DTHD1: variants seen among roughly 807,000 people sequenced by gnomAD.
The protein encoded by DTHD1 is death domain containing 1, also known as death domain-containing protein 1.
DTHD1 carries 59 observed loss-of-function variants against 74.8 expected under a neutral mutation model. The observed-to-expected ratio is 0.79, with a 90% confidence interval of 0.64 to 0.98. The LOEUF (loss-of-function observed/expected upper bound fraction) is 0.98, where lower values mean the gene tolerates loss of function less well. Ranked by LOEUF, DTHD1 falls within the 50% of genes least tolerant of loss-of-function variation. DTHD1 has a pLI of 0.00. For synonymous variants in DTHD1, 365 were observed against 371.1 expected (o/e 0.98, Z 0.19); for missense variants, 1,051 against 1,065.4 (o/e 0.99, Z 0.19).
rs1759628723 is a variant in DTHD1 at position 36,347,154 on chromosome 4, T to C, written c.*3330T>C. Among the ~76,000 whole-genome samples, 1 of 152,100 alleles carries C rather than the reference T, an allele frequency of 6.6e-6. No individual in the cohort carries two copies. ...AATTACTGTCTTATTAAATTATGAG[T>C]TTTTAATGTCTTCGAATGTTTTAAT... On this transcript the variant is annotated 3_prime_UTR_variant, in exon 10 of 10. Transcript: ENST00000639862.
intron 6 of DTHD1, 55 bp from the exon 7 acceptor site, chr4:36,308,149 T>C: frequency 2.0e-6 from 3 of 1,470,690 alleles, no homozygotes; most frequent in Non-Finnish European, 2.7e-6. Context: ...TAGATATCAG[T>C]GATGTTCTTG....
At chr4:36,323,470 T>C (rs1431646797) in intron 8 of DTHD1, among the ~76,000 whole-genome samples, 2 of 152,098 alleles carry the variant, frequency 1.3e-5, no homozygotes, top group Non-Finnish European at 2.9e-5. Flanking sequence ...AAAAAATGTT[T>C]ACATCCAAAA....
chr4:36,289,110 C>T (rs1013056120), intron 2 of DTHD1, among the ~76,000 whole-genome samples: 1 of 152,104 alleles, frequency 6.6e-6, no homozygotes, highest in African/African-American at 2.4e-5. Flanking sequence ...TGAAAAACGT[C>T]TAAAATCTGA....
rs551373387 is a variant in DTHD1 at position 36,339,803 on chromosome 4, G to A, written c.2398+634G>A. Among the ~76,000 whole-genome samples, 5 of 152,282 alleles carry A rather than the reference G, an allele frequency of 3.3e-5. No individual in the cohort carries two copies. In the East Asian group the frequency reaches 9.6e-4, roughly 29 times the overall value. ...GGTCCATTATGAATGATATGAGTTTGCCCTTACGGATTGGTACAGAAAATG... is the reference window on the plus strand; with the variant it reads ...GGTCCATTATGAATGATATGAGTTTACCCTTACGGATTGGTACAGAAAATG... On this transcript the variant is annotated intron_variant, in intron 9 of 9. Transcript: ENST00000639862.
rs750376641 is a variant in DTHD1, at chr4:36,345,142, G to C, written c.*1318G>C. 1 of 152,070 alleles carries C rather than the reference G, an allele frequency of 6.6e-6. No homozygotes were observed. Among genetic ancestry groups the C allele is most frequent in the African/African-American group, 2.4e-5 (1 of 41,418 alleles). The allele number at this position is 152,070 out of a possible 1,614,324, so 9.4% of individuals were successfully genotyped here. A position where few individuals can be genotyped will look rare whatever the true frequency, so the allele number is the denominator to read the frequency against. ...AGGAAGAAAACCTGCTTTAAAATTAGTTAACAGAAGCCTTATTACATAAGC... is the reference window on the plus strand; with the variant it reads ...AGGAAGAAAACCTGCTTTAAAATTACTTAACAGAAGCCTTATTACATAAGC... On this transcript the variant is annotated 3_prime_UTR_variant, in exon 10 of 10. Transcript: ENST00000639862.
At chr4:36,306,800 A>T (rs192940124) in intron 6 of DTHD1, among the ~76,000 whole-genome samples, 66 of 152,348 alleles carry the variant, frequency 4.3e-4, no homozygotes, top group Non-Finnish European at 8.7e-4. Flanking sequence ...AAGAGTAGCC[A>T]CTCATAGAGA....
At chr4:36,288,566 C>T (rs1755857251) in intron 2 of DTHD1, among the ~76,000 whole-genome samples, 1 of 152,190 alleles carries the variant, frequency 6.6e-6, no homozygotes, top group Non-Finnish European at 1.5e-5. Flanking sequence ...AATAGGGTGT[C>T]CTTTCCTCAG....
intron 8 of DTHD1, among the ~76,000 whole-genome samples, chr4:36,327,061 G>A (rs1758394407): frequency 6.6e-6 from 1 of 151,848 alleles, no homozygotes; most frequent in Non-Finnish European, 1.5e-5. Flanking sequence ...CTGCCTACTG[G>A]GTTCAAGCAA....
rs987880169 is a variant in DTHD1, at chr4:36,281,774, A to C, written c.16A>C (p.Met6Leu). Reference protein sequence around the residue: MDMEYMGSGKLGQILK... With the variant: MDMEYLGSGKLGQILK... ...GGATCATAAAATGGATATGGAATAC[A>C]TGGGCTCAGGTAAACTGGGCCAAAT... Residue 6 changes from methionine (M) to leucine (L), a missense_variant, in exon 1 of 10, where the codon ATG becomes CTG. Transcript: ENST00000639862. 8.1e-7 allele frequency: 1 copy of C among 1,238,394 alleles called. No homozygotes were observed. Among genetic ancestry groups the C allele is most frequent in the African/African-American group, 1.5e-5 (1 of 64,758 alleles). The allele number at this position is 1,238,394 out of a possible 1,614,324, so 76.7% of individuals were successfully genotyped here. A position where few individuals can be genotyped will look rare whatever the true frequency, so the allele number is the denominator to read the frequency against.
intron 9 of DTHD1, among the ~76,000 whole-genome samples, chr4:36,339,481 A>C (rs1759197680): frequency 6.6e-6 from 1 of 152,206 alleles, no homozygotes; most frequent in Non-Finnish European, 1.5e-5. Flanking sequence ...TTTGAGCTGA[A>C]ATGTTGACTC....
chr4:36,339,836 C>T (rs887508232), intron 9 of DTHD1, among the ~76,000 whole-genome samples: 33 of 152,118 alleles, frequency 2.2e-4, no homozygotes, highest in African/African-American at 7.7e-4. Flanking sequence ...ATGTTCAGGT[C>T]TTATTAAACT....
At chr4:36,317,210 G>T (rs1044553036) in intron 8 of DTHD1, among the ~76,000 whole-genome samples, 2 of 152,106 alleles carry the variant, frequency 1.3e-5, no homozygotes, top group African/African-American at 4.8e-5. Flanking sequence ...GTTAGATTTT[G>T]CACTGATTTA....
chr4:36,336,047 A>G (rs1758992925), intron 8 of DTHD1, among the ~76,000 whole-genome samples: 1 of 152,198 alleles, frequency 6.6e-6, no homozygotes, highest in African/African-American at 2.4e-5. Flanking sequence ...TACATATCTG[A>G]ATTGCTTATA....
chr4:36,326,910 A>T (rs1196668332), intron 8 of DTHD1, among the ~76,000 whole-genome samples: 1 of 151,884 alleles, frequency 6.6e-6, no homozygotes, highest in African/African-American at 2.4e-5. Flanking sequence ...TATTGGAAAA[A>T]CTATTTCTAG....
In DTHD1 at chr4:36,284,187, TTCTC is replaced by T. The variant is rs1441217670; in HGVS notation, c.484_487del (p.Ser162ProfsTer15). The stretch of plus-strand genomic sequence containing the variant: ...TAAATGTCATAGAAACAGCTACTGT[TTCTC>T]CCACAAATGGAGAGGAAAGTCATTA... On this transcript the variant is annotated frameshift_variant, in exon 2 of 10. Transcript: ENST00000639862. LOFTEE classifies it high-confidence loss of function. 2 of 1,537,214 alleles carry T rather than the reference TTCTC, an allele frequency of 1.3e-6. No homozygotes were observed.
At chr4:36,293,452 T>C (rs1560789160) in intron 3 of DTHD1, 74 bp from the exon 4 acceptor site, 1 of 1,235,012 alleles carries the variant, frequency 8.1e-7, no homozygotes. Context: ...TTTTTGACAA[T>C]CCATAGAGTC....
rs1254386766 is a variant in DTHD1, at chr4:36,290,542, G to A, written c.1057G>A (p.Asp353Asn). The A allele has an allele frequency of 1.9e-6, 3 of 1,551,636 alleles. No homozygotes were observed. The highest frequency in any genetic ancestry group is 2.6e-6 in the Non-Finnish European group (3 of 1,146,976). Reference protein sequence around the residue: ...VSNVITIECSDKEKRVPFPIG... With the variant: ...VSNVITIECSNKEKRVPFPIG... ...CAACGTCATAACTATTGAATGCTCA[G>A]ATAAGGAAAAGAGAGTTCCATTTCC... The change falls in exon 3 of 10, where the codon GAT becomes AAT. Residue 353 changes from aspartate (D) to asparagine (N), a missense_variant. Physicochemically the swap from Asp to Asn is conservative, Grantham distance 23. Coordinates refer to ENST00000639862, the MANE Select transcript of DTHD1 (RefSeq NM_001170700.3).
intron 5 of DTHD1, among the ~76,000 whole-genome samples, chr4:36,295,887 TGAA>T (rs751561270): frequency 1.1e-4 from 16 of 151,986 alleles, no homozygotes; most frequent in Admixed American, 2.0e-4. Flanking sequence ...TAGGTACCAT[TGAA>T]GAAGAGGGCA....
intron 9 of DTHD1, among the ~76,000 whole-genome samples, chr4:36,342,362 T>C (rs1759360887): frequency 6.6e-6 from 1 of 152,018 alleles, no homozygotes; most frequent in African/African-American, 2.4e-5. Context: ...AGTTCAGTAA[T>C]GGAAGGCAGA....
Sources: allele counts gnomAD v4.1 joint callset (sites outside exome capture counted in the v4.1 genomes callset), GRCh38; gene constraint gnomAD v4.1.1; transcripts MANE v1.5; gene names NCBI Gene and HGNC (gene_info 2026-07-23, HGNC 2026-07-21).